The following STPG2 variants were observed in gnomAD, a reference collection of about 807,000 sequenced individuals.
STPG2 encodes the protein sperm tail PG-rich repeat containing 2, also known as sperm-tail PG-rich repeat-containing protein 2.
Under a neutral mutation model 54.2 loss-of-function variants are expected in STPG2, and 56 were observed. The observed-to-expected ratio is 1.03, with a 90% confidence interval of 0.83 to 1.29. STPG2 has a LOEUF of 1.29. Ranked by LOEUF, STPG2 falls within the 50% of genes most tolerant of loss-of-function variation. The pLI is 0.00. For missense variants in STPG2, 596 were observed against 544.9 expected (o/e 1.09, Z -0.93); for synonymous variants, 200 against 181.8 (o/e 1.10, Z -0.81).
chr4:97,783,639 G>C lies in STPG2; in HGVS notation c.1204+57134C>G, dbSNP rs532409690. Reference sequence around the variant, plus strand: ...GCACATTCACATATATGTTTACTGCGGCACTATTCACAATAGCAAAGACTT... The same window carrying C: ...GCACATTCACATATATGTTTACTGCCGCACTATTCACAATAGCAAAGACTT... On this transcript the variant is annotated intron_variant, in intron 9 of 10. Transcript: ENST00000295268. Among the ~76,000 whole-genome samples the C allele has an allele frequency of 8.5e-5, 13 of 152,192 alleles. No homozygotes were observed. In the East Asian group the frequency reaches 1.7e-3, roughly 20 times the overall value.
At chr4:97,746,894 G>A (rs1016473890) in intron 9 of STPG2, among the ~76,000 whole-genome samples, 4 of 151,076 alleles carry the variant, frequency 2.6e-5, no homozygotes, top group Admixed American at 1.3e-4. Flanking sequence ...TTCCAGGTAT[G>A]TAGAACAGTG....
chr4:97,781,167 G>C (rs1260783643), intron 9 of STPG2, among the ~76,000 whole-genome samples: 3 of 151,894 alleles, frequency 2.0e-5, no homozygotes, highest in Non-Finnish European at 4.4e-5. Context: ...AAAAGATCAA[G>C]AAAATTGATA....
chr4:97,904,961 A>G (rs1290129315), intron 8 of STPG2, among the ~76,000 whole-genome samples: 1 of 152,122 alleles, frequency 6.6e-6, no homozygotes, highest in Non-Finnish European at 1.5e-5. Flanking sequence ...CTATGTGAAA[A>G]GACAAAATCT....
In STPG2 at chr4:97,712,742, A is replaced by T; in HGVS notation, c.1277T>A (p.Phe426Tyr). The change falls in exon 10 of 11, where the codon TTT becomes TAT. Residue 426 changes from phenylalanine to tyrosine, a missense_variant. Phe to Tyr is a conservative substitution (Grantham distance 22). Coordinates refer to ENST00000295268, the MANE Select transcript of STPG2 (RefSeq NM_174952.3). Reference protein sequence around the residue: ...IPLFVKASKRFEESKEITPGP... With the variant: ...IPLFVKASKRYEESKEITPGP... ...TGGAGTAATCTCTTTGGACTCTTCA[A>T]AGCGCTTTGATGCTTTCACAAATAA... is the stretch of plus-strand genomic sequence containing the variant. The T allele has an allele frequency of 6.2e-7, 1 of 1,609,744 alleles. No individual in the cohort carries two copies. Among genetic ancestry groups the T allele is most frequent in the Non-Finnish European group, 8.5e-7 (1 of 1,177,268 alleles).
chr4:97,542,988 G>A (rs1272975466), intron 4 of STPG2, among the ~76,000 whole-genome samples: 2 of 152,008 alleles, frequency 1.3e-5, no homozygotes, highest in African/African-American at 4.8e-5. Context: ...GTGGGGAGAA[G>A]GGGGAGGGAT....
chr4:97,753,495 A>C (rs1725639903), intron 9 of STPG2, among the ~76,000 whole-genome samples: 1 of 152,016 alleles, frequency 6.6e-6, no homozygotes, highest in South Asian at 2.1e-4. Flanking sequence ...ATGGACACTT[A>C]AATTGTTTTC....
intron 8 of STPG2, among the ~76,000 whole-genome samples, chr4:97,895,002 C>G (rs530956841): frequency 2.0e-5 from 3 of 151,820 alleles, no homozygotes; most frequent in African/African-American, 4.8e-5. Flanking sequence ...TAAATATGAC[C>G]AAATGTTAAA....
At chr4:97,579,939 TTATC>T (rs1732822592) in intron 10 of STPG2, among the ~76,000 whole-genome samples, 1 of 152,034 alleles carries the variant, frequency 6.6e-6, no homozygotes, top group African/African-American at 2.4e-5. Flanking sequence ...AACACTTTAT[TTATC>T]TATCACTAAT....
rs144976707 is a variant in STPG2, at chr4:97,584,273, T to C, written c.1321-25156A>G. On this transcript the variant is annotated intron_variant, in intron 10 of 10. Transcript: ENST00000295268. ...ACATGGAAATTAAATAATCTGCTCCTGAAGGATCTTTGCATCAACAATGAA... is the reference window on the plus strand; with the variant it reads ...ACATGGAAATTAAATAATCTGCTCCCGAAGGATCTTTGCATCAACAATGAA... 7.4e-4 allele frequency among the ~76,000 whole-genome samples: 112 copies of C among 152,128 alleles called. 1 individual carries two copies. The highest frequency in any genetic ancestry group is 2.1e-3 in the South Asian group (10 of 4,830).
rs1734029495 is a variant in STPG2, at chr4:97,964,793, A to G, written c.933+7487T>C. Among the ~76,000 whole-genome samples, 3 of 152,304 alleles carry G rather than the reference A, an allele frequency of 2.0e-5. No individual in the cohort carries two copies. In the South Asian group the frequency reaches 6.2e-4, roughly 32 times the overall value. On this transcript the variant is annotated intron_variant, in intron 7 of 10. Coordinates refer to ENST00000295268, the MANE Select transcript of STPG2 (RefSeq NM_174952.3). Reference sequence around the variant, plus strand: ...AAACTGTACTACACAAAATTCAGTTATTACTTGTACTGAATTGAAATATGA... The same window carrying G: ...AAACTGTACTACACAAAATTCAGTTGTTACTTGTACTGAATTGAAATATGA...
chr4:97,622,239 C>T (rs1293560113), intron 10 of STPG2, among the ~76,000 whole-genome samples: 3 of 152,086 alleles, frequency 2.0e-5, no homozygotes, highest in African/African-American at 7.2e-5. Context: ...TTATTTCTCA[C>T]CATTCCTATT....
chr4:97,537,894 G>A (rs142277485), intron 4 of STPG2, among the ~76,000 whole-genome samples: 5 of 152,208 alleles, frequency 3.3e-5, no homozygotes, highest in East Asian at 1.9e-4. Flanking sequence ...AACAATATTC[G>A]CTGTTCTGCA....
chr4:97,800,748 G>C (rs746426596), intron 9 of STPG2, among the ~76,000 whole-genome samples: 9 of 152,154 alleles, frequency 5.9e-5, no homozygotes, highest in African/African-American at 9.7e-5. Flanking sequence ...GGTTTCTGCC[G>C]CCTTTTGTTT....
chr4:97,585,120 A>AAC (rs1249406464), intron 10 of STPG2, among the ~76,000 whole-genome samples: 10 of 121,452 alleles, frequency 8.2e-5, no homozygotes, highest in East Asian at 6.2e-4. Context: ...AAAAAAAAAA[A>AAC]AAAACAAAAC....
intron 8 of STPG2, among the ~76,000 whole-genome samples, chr4:97,891,872 A>T (rs1038408202): frequency 6.6e-6 from 1 of 152,148 alleles, no homozygotes; most frequent in Non-Finnish European, 1.5e-5. Flanking sequence ...AGCAGAAAAA[A>T]TGCTTAAACT....
At chr4:97,720,592 G>A (rs1352223523) in intron 9 of STPG2, among the ~76,000 whole-genome samples, 5 of 151,854 alleles carry the variant, frequency 3.3e-5, no homozygotes, top group African/African-American at 1.2e-4. Flanking sequence ...AGGTGAACTG[G>A]GTCTAGGAGA....
chr4:98,099,824 T>C (rs1331227812), intron 5 of STPG2, among the ~76,000 whole-genome samples: 3 of 152,178 alleles, frequency 2.0e-5, no homozygotes, highest in Non-Finnish European at 4.4e-5. Flanking sequence ...AAATACCTAG[T>C]ATTTAATAGC....
intron 10 of STPG2, among the ~76,000 whole-genome samples, chr4:97,670,571 G>C (rs985360522): frequency 1.3e-5 from 2 of 152,190 alleles, no homozygotes; most frequent in African/African-American, 4.8e-5. Flanking sequence ...GCATTCTTTT[G>C]CAGCAGATTG....
chr4:97,676,384 A>G (rs2148974127), intron 10 of STPG2, among the ~76,000 whole-genome samples: 1 of 152,108 alleles, frequency 6.6e-6, no homozygotes, highest in Middle Eastern at 3.4e-3. Context: ...GGAGTTCCCT[A>G]CATCAATTTT....
Sources: allele counts gnomAD v4.1 joint callset (sites outside exome capture counted in the v4.1 genomes callset), GRCh38; gene constraint gnomAD v4.1.1; transcripts MANE v1.5; gene names NCBI Gene and HGNC (gene_info 2026-07-23, HGNC 2026-07-21).